The following GRM4 variants were observed in gnomAD, a reference collection of about 807,000 sequenced individuals.
GRM4 encodes the protein metabotropic glutamate receptor 4.
Under a neutral mutation model 81.7 loss-of-function variants are expected in GRM4, and 28 were observed. The observed-to-expected ratio is 0.34, with a 90% confidence interval of 0.25 to 0.47. The LOEUF (loss-of-function observed/expected upper bound fraction) is 0.47, where lower values mean the gene tolerates loss of function less well. GRM4 is among the 20% of genes least tolerant of loss of function. The probability of loss-of-function intolerance (pLI) is 1.00; values close to 1 mark genes in which losing one functional copy is unlikely to be tolerated. For missense variants in GRM4, 948 were observed against 1,290.0 expected (o/e 0.73, Z 4.06); for synonymous variants, 488 against 528.8 (o/e 0.92, Z 1.06).
upstream of GRM4, among the ~76,000 whole-genome samples, chr6:34,147,242 G>T (rs1770955553): frequency 1.3e-5 from 2 of 152,190 alleles, no homozygotes; most frequent in South Asian, 4.1e-4. Context: ...CTGAGGTCCT[G>T]CTCCATTCCC....
At chr6:34,023,012 C>T in intron 10 of GRM4, 142 bp from the exon 11 acceptor site, 1 of 715,720 alleles carries the variant, frequency 1.4e-6, no homozygotes, top group Non-Finnish European at 2.5e-6. Flanking sequence ...GAGCAATCGA[C>T]ACTGCCCCAA....
intron 3 of GRM4, among the ~76,000 whole-genome samples, chr6:34,073,419 C>A (rs1435086153): frequency 8.6e-6 from 1 of 116,612 alleles, no homozygotes; most frequent in Non-Finnish European, 1.7e-5. Flanking sequence ...ACATACACAC[C>A]ACACACACAC....
Position 34,070,029 on chromosome 6 carries a change from G to A in GRM4, c.737-8001C>T, listed in dbSNP as rs1360238023. Among the ~76,000 whole-genome samples the A allele has an allele frequency of 6.6e-6, 1 of 152,178 alleles. No homozygotes were observed. The highest frequency in any genetic ancestry group is 1.5e-5 in the Non-Finnish European group (1 of 68,006). On this transcript the variant is annotated intron_variant, in intron 3 of 10. Coordinates refer to ENST00000538487, the MANE Select transcript of GRM4 (RefSeq NM_000841.4). The surrounding 1 kb of genome is among the most constrained non-coding windows in gnomAD (Gnocchi z 4.6). ...ACTTGCTGGACGAATGGAGAACTGA[G>A]TTCCTGACTGACGGGGTTTTGAAGG...
intron 6 of GRM4, among the ~76,000 whole-genome samples, chr6:34,046,676 GGT>G (rs1221765398): frequency 2.0e-4 from 30 of 152,210 alleles, no homozygotes; most frequent in Admixed American, 1.4e-3. Context: ...ACACAGGGAT[GGT>G]GAGTGCTGAG....
chr6:34,075,968 C>CTG (rs1183831838), intron 3 of GRM4, among the ~76,000 whole-genome samples: 2 of 152,206 alleles, frequency 1.3e-5, no homozygotes, highest in Non-Finnish European at 2.9e-5. Flanking sequence ...CAGCGCTGGG[C>CTG]TAGTGGCAGA....
chr6:34,146,158 G>GC, upstream of GRM4: 1 of 985,064 alleles, frequency 1.0e-6, no homozygotes, highest in Non-Finnish European at 1.2e-6. Flanking sequence ...ACATCCGCGC[G>GC]CACGTGGCGT....
Position 34,091,976 on chromosome 6 carries a change from C to T in GRM4, c.643G>A (p.Ala215Thr). 1 of 1,614,116 alleles carries T rather than the reference C, an allele frequency of 6.2e-7. No homozygotes were observed. Among genetic ancestry groups the T allele is most frequent in the Non-Finnish European group, 8.5e-7 (1 of 1,179,952 alleles). The change falls in exon 3 of 11, where the codon GCC (alanine) becomes ACC (threonine). Residue 215 changes from alanine (A) to threonine (T), a missense_variant. Transcript: ENST00000538487. ...GTGGACACATAGTTCCACTTGAGGG[C>T]ACGGACGATGTCCACCATGGCCTGG... The part of the protein sequence containing the change: ...QAQAMVDIVR[A>T]LKWNYVSTVA...
chr6:34,056,517 C>T (rs1303430998), intron 6 of GRM4, 27 bp downstream of exon 6: 1 of 1,599,942 alleles, frequency 6.3e-7, no homozygotes, highest in Non-Finnish European at 8.5e-7. Context: ...TAGAGCCCGC[C>T]CGGCCCTGCC....
chr6:34,112,212 C>T (rs891254658), intron 2 of GRM4, among the ~76,000 whole-genome samples: 8 of 152,176 alleles, frequency 5.3e-5, no homozygotes, highest in African/African-American at 1.9e-4. Context: ...GTTATTTATC[C>T]AACGAGCGAT....
chr6:34,124,108 T>C (rs1769924020), intron 2 of GRM4, among the ~76,000 whole-genome samples: 1 of 152,166 alleles, frequency 6.6e-6, no homozygotes, highest in Admixed American at 6.5e-5. Context: ...CCTGGTGACT[T>C]GTCCTCCCAC....
At chr6:34,155,025 A>G (rs1039668413) in intron 1 of GRM4, 88 of 1,372,610 alleles carry the variant, frequency 6.4e-5, no homozygotes, top group Non-Finnish European at 8.2e-5. Flanking sequence ...AGTGCTGGGC[A>G]CCTCCCCGTC....
chr6:34,027,645 C>A (rs1764197334), intron 10 of GRM4, among the ~76,000 whole-genome samples: 1 of 152,182 alleles, frequency 6.6e-6, no homozygotes, highest in Admixed American at 6.5e-5. Flanking sequence ...AGGGCCGCTC[C>A]CACCCCACCG....
intron 6 of GRM4, 87 bp downstream of exon 6, chr6:34,056,457 G>A (rs1049615492): frequency 1.7e-5 from 21 of 1,231,898 alleles, no homozygotes; most frequent in African/African-American, 3.0e-5. Context: ...GACAGACAAA[G>A]GGAGACTCTC....
rs1251696284 is a variant in GRM4, at chr6:34,070,716, T to C, written c.737-8688A>G. ...GGCGGGGGGACCAGGGCACCAGGAT[T>C]ATCCAAGGCAGCACACACATCCTTT... On this transcript the variant is annotated intron_variant, in intron 3 of 10. Coordinates refer to ENST00000538487, the MANE Select transcript of GRM4 (RefSeq NM_000841.4). The surrounding 1 kb of genome is among the most constrained non-coding windows in gnomAD (Gnocchi z 4.6). Among the ~76,000 whole-genome samples, 1 of 151,208 alleles carries C rather than the reference T, an allele frequency of 6.6e-6. No homozygotes were observed. The highest frequency in any genetic ancestry group is 1.5e-5 in the Non-Finnish European group (1 of 67,808).
intron 5 of GRM4, among the ~76,000 whole-genome samples, chr6:34,057,518 T>TG (rs554119214): frequency 2.0e-5 from 3 of 152,160 alleles, no homozygotes; most frequent in African/African-American, 4.8e-5. Flanking sequence ...ATAATTCCTG[T>TG]GGGGGGCCAT....
At chr6:34,103,459 C>T in intron 2 of GRM4, 1 of 741,668 alleles carries the variant, frequency 1.3e-6, no homozygotes, top group African/African-American at 1.7e-5. Flanking sequence ...AGAGGCAGGG[C>T]CGCAGATAAG....
At chr6:34,155,425 T>G (rs1298786248) in exon 1 of GRM4, 1 of 1,403,060 alleles carries the variant, frequency 7.1e-7, no homozygotes. Context: ...GCTCCCTCTG[T>G]GTGACAGGCC....
chr6:34,081,389 C>T (rs1192664444), intron 3 of GRM4, among the ~76,000 whole-genome samples: 1 of 152,244 alleles, frequency 6.6e-6, no homozygotes. Flanking sequence ...GGTCTGTACA[C>T]AGGCCAGGCC....
chr6:34,062,209 G>A lies in GRM4; in HGVS notation c.737-181C>T, dbSNP rs374652978. ...TGCAGTCAGGACAGCTTCAGTGCCA[G>A]TCTTGGCTCCACTTACCAGCTGGTG... On this transcript the variant is annotated intron_variant, in intron 3 of 10. Transcript: ENST00000538487. The A allele has an allele frequency of 1.2e-3, 644 of 550,966 alleles. 3 individuals carry two copies. The highest frequency in any genetic ancestry group is 6.0e-3 in the African/African-American group (317 of 53,208). The allele number at this position is 550,966 out of a possible 1,614,324, so 34.1% of individuals were successfully genotyped here. A position where few individuals can be genotyped will look rare whatever the true frequency, so the allele number is the denominator to read the frequency against.
Sources: gnomAD v4.1 joint callset for allele counts (sites outside exome capture counted in the v4.1 genomes callset) on GRCh38, gnomAD v4.1.1 for gene constraint, Gnocchi (gnomAD v3.1) non-coding constraint, MANE v1.5 for transcripts, NCBI Gene and HGNC (gene_info 2026-07-23, HGNC 2026-07-21) for gene names.